BACH2: variants seen among roughly 807,000 people sequenced by gnomAD.
BACH2 encodes BACH transcriptional regulator 2, also known as transcription regulator protein BACH2.
A neutral mutation model predicts 61.8 loss-of-function variants in BACH2; 5 were observed. That is an observed-to-expected ratio of 0.08 (90% CI 0.04 to 0.17). The LOEUF is 0.17. Ranked by LOEUF, BACH2 falls within the 10% of genes least tolerant of loss-of-function variation. The pLI is 1.00. For missense variants in BACH2, 824 were observed against 1,091.1 expected (o/e 0.76, Z 3.45); for synonymous variants, 446 against 440.1 (o/e 1.01, Z -0.17).
rs771232812 is a variant in BACH2, at chr6:89,951,128, G to T, written c.978C>A (p.Ala326=). ...PAPTPTAPAG[A]ACLERSRSVA... ...CGCTCCTGGATCTCTCCAGGCAGGC[G>T]GCCCCAGCTGGGGCCGTGGGGGTAG... The change falls in exon 7 of 9, where the codon GCC becomes GCA. Residue 326 remains alanine, a synonymous_variant. Transcript: ENST00000257749. This position sits in a 1 kb window ranked among gnomAD's most constrained non-coding sequence, Gnocchi z 6.4. The T allele has an allele frequency of 4.3e-6, 7 of 1,610,672 alleles. No individual in the cohort carries two copies. In the African/African-American group the frequency reaches 9.4e-5, roughly 22 times the overall value.
At chr6:90,155,184 T>C (rs1784954514) in intron 4 of BACH2, among the ~76,000 whole-genome samples, 1 of 152,054 alleles carries the variant, frequency 6.6e-6, no homozygotes, top group Admixed American at 6.5e-5. Flanking sequence ...AAACATCAGG[T>C]TTCTCCACAT....
At chr6:90,061,671 A>G (rs1007882407) in intron 5 of BACH2, among the ~76,000 whole-genome samples, 2 of 152,090 alleles carry the variant, frequency 1.3e-5, no homozygotes, top group African/African-American at 4.8e-5. Context: ...TCAGAAACTA[A>G]CAGAGGAGGA....
At chr6:90,273,514 C>T (rs1027836891) in intron 1 of BACH2, among the ~76,000 whole-genome samples, 11 of 152,166 alleles carry the variant, frequency 7.2e-5, no homozygotes, top group Admixed American at 7.2e-4. Flanking sequence ...GCTGGACTGG[C>T]CCACACAGCA....
chr6:90,241,980 G>T (rs527306562), intron 3 of BACH2, among the ~76,000 whole-genome samples: 3 of 149,436 alleles, frequency 2.0e-5, no homozygotes, highest in African/African-American at 7.4e-5. Flanking sequence ...GCAGTTTTAG[G>T]TTTATAGAAA....
At position 90,007,321 on chromosome 6, in the gene BACH2, G is replaced by A. The variant is rs1582183201; in HGVS notation, c.243+1281C>T. Among the ~76,000 whole-genome samples the A allele has an allele frequency of 2.6e-5, 4 of 151,880 alleles. 1 individual carries two copies. The highest frequency in any genetic ancestry group is 1.9e-4 in the East Asian group (1 of 5,156). Reference sequence around the variant, plus strand: ...AAACTCCTGACCTCATAATCTGCTCGCCTCGGCCTCCCAAGTTATTATTTT... The same window carrying A: ...AAACTCCTGACCTCATAATCTGCTCACCTCGGCCTCCCAAGTTATTATTTT... On this transcript the variant is annotated intron_variant, in intron 6 of 8. Transcript: ENST00000257749.
At chr6:90,187,774 G>A (rs1472861695) in intron 4 of BACH2, among the ~76,000 whole-genome samples, 1 of 152,206 alleles carries the variant, frequency 6.6e-6, no homozygotes, top group African/African-American at 2.4e-5. Flanking sequence ...CTATGGGTCA[G>A]GATCTGTCGT....
intron 5 of BACH2, among the ~76,000 whole-genome samples, chr6:90,083,180 T>C (rs1781793251): frequency 6.6e-6 from 1 of 152,164 alleles, no homozygotes. Context: ...ATCATTTCAC[T>C]AGTGACAGGT....
intron 4 of BACH2, among the ~76,000 whole-genome samples, chr6:90,164,981 G>A (rs1431152005): frequency 6.6e-6 from 1 of 152,194 alleles, no homozygotes; most frequent in Non-Finnish European, 1.5e-5. Context: ...AAAACTGGAA[G>A]CATTCCCTTT....
At chr6:90,119,917 G>T (rs528411361) in intron 4 of BACH2, among the ~76,000 whole-genome samples, 1 of 152,294 alleles carries the variant, frequency 6.6e-6, no homozygotes, top group African/African-American at 2.4e-5. Flanking sequence ...CGAGACAATG[G>T]GTCTTGCTCA....
intron 3 of BACH2, among the ~76,000 whole-genome samples, chr6:90,232,706 T>C (rs1770138034): frequency 6.6e-6 from 1 of 151,548 alleles, no homozygotes; most frequent in Non-Finnish European, 1.5e-5. Context: ...CAAACTATTT[T>C]TCTGCTAGAA....
chr6:90,056,792 C>G (rs1780379439), intron 5 of BACH2, among the ~76,000 whole-genome samples: 1 of 152,212 alleles, frequency 6.6e-6, no homozygotes, highest in Non-Finnish European at 1.5e-5. Context: ...ACAGTGCAAT[C>G]AAACTAGAAA....
In BACH2 at chr6:89,970,536, A is replaced by G. The variant is rs147479207; in HGVS notation, c.244-18674T>C. Among the ~76,000 whole-genome samples the G allele has an allele frequency of 4.7e-4, 72 of 152,272 alleles. No homozygotes were observed. In the East Asian group the frequency reaches 0.011, roughly 23 times the overall value. On this transcript the variant is annotated intron_variant, in intron 6 of 8. Coordinates refer to ENST00000257749, the MANE Select transcript of BACH2 (RefSeq NM_021813.4). ...AGGCATAGCTTCAAAAAAACATAAT[A>G]TCAGGTGTTTTTTATTATAATGTTT...
intron 4 of BACH2, among the ~76,000 whole-genome samples, chr6:90,116,190 T>A (rs1783389221): frequency 6.6e-6 from 1 of 152,098 alleles, no homozygotes. Context: ...GACACACGCA[T>A]GCAAATGTTC....
intron 6 of BACH2, among the ~76,000 whole-genome samples, chr6:90,002,707 T>C (rs1419702387): frequency 6.6e-6 from 1 of 151,968 alleles, no homozygotes; most frequent in Admixed American, 6.6e-5. Flanking sequence ...GAGGTGGAGG[T>C]GGCAGCGAGC....
chr6:90,084,336 T>C (rs992007967), intron 5 of BACH2, among the ~76,000 whole-genome samples: 1 of 152,044 alleles, frequency 6.6e-6, no homozygotes. Context: ...GATGCTCTTC[T>C]CTGTGGAAAA....
At chr6:90,179,945 A>G (rs982456230) in intron 4 of BACH2, among the ~76,000 whole-genome samples, 1 of 152,306 alleles carries the variant, frequency 6.6e-6, no homozygotes, top group East Asian at 1.9e-4. Context: ...ATTGTAGAAT[A>G]AAAAATTCTA....
At chr6:90,026,457 T>C (rs1262289266) in intron 5 of BACH2, among the ~76,000 whole-genome samples, 1 of 152,216 alleles carries the variant, frequency 6.6e-6, no homozygotes, top group Non-Finnish European at 1.5e-5. Flanking sequence ...GTCATGCCAT[T>C]GTTCCTAGTA....
chr6:90,205,052 C>T (rs756291610), intron 4 of BACH2, among the ~76,000 whole-genome samples: 1 of 152,088 alleles, frequency 6.6e-6, no homozygotes, highest in Non-Finnish European at 1.5e-5. Context: ...GGTAAGTGCA[C>T]AGAGGGCTTT....
chr6:89,985,685 G>A (rs1776202760), intron 6 of BACH2, among the ~76,000 whole-genome samples: 1 of 152,152 alleles, frequency 6.6e-6, no homozygotes, highest in Non-Finnish European at 1.5e-5. Context: ...CTCAAACAAA[G>A]GGGATTTCTG....
Sources: gnomAD v4.1 joint callset for allele counts (sites outside exome capture counted in the v4.1 genomes callset) on GRCh38, gnomAD v4.1.1 for gene constraint, Gnocchi (gnomAD v3.1) non-coding constraint, MANE v1.5 for transcripts, NCBI Gene and HGNC (gene_info 2026-07-23, HGNC 2026-07-21) for gene names.